NRG4: variants seen among roughly 807,000 people sequenced by gnomAD.
NRG4 encodes neuregulin 4.
A neutral mutation model predicts 15.0 loss-of-function variants in NRG4; 10 were observed. The ratio of observed to expected loss-of-function variants is 0.67; its 90% CI spans 0.41 to 1.13. The LOEUF (loss-of-function observed/expected upper bound fraction) is 1.13. Ranked by LOEUF, NRG4 falls within the 50% of genes most tolerant of loss-of-function variation. The pLI is 0.00. For missense variants in NRG4, 139 were observed against 140.2 expected (o/e 0.99, Z 0.04); for synonymous variants, 41 against 50.1 (o/e 0.82, Z 0.77).
chr15:76,058,205 G>A (rs371161081), intron 1 of NRG4, among the ~76,000 whole-genome samples: 5 of 152,060 alleles, frequency 3.3e-5, no homozygotes, highest in Admixed American at 3.3e-4. Flanking sequence ...CTCCCCTCCC[G>A]TGCATCCTCC....
At chr15:75,939,439 A>G (rs1448217123), downstream of NRG4, 1 of 152,182 alleles carries the variant, frequency 6.6e-6, no homozygotes, top group African/African-American at 2.4e-5. Flanking sequence ...ATTCTCCTGG[A>G]AAAAAAGCAC....
chr15:76,046,374 C>T lies in NRG4; in HGVS notation c.-105+5693G>A, dbSNP rs116937337. On this transcript the variant is annotated intron_variant, in intron 4 of 8. Transcript: ENST00000563910. Reference sequence around the variant, plus strand: ...AATTCTTAAATTTATATGGAACTACCAAAGACCTGGAATAGACAAAGCAAT... The same window carrying T: ...AATTCTTAAATTTATATGGAACTACTAAAGACCTGGAATAGACAAAGCAAT... 7.5e-4 allele frequency among the ~76,000 whole-genome samples: 113 copies of T among 151,116 alleles called. 4 individuals are homozygous for T. The highest frequency in any genetic ancestry group is 3.4e-3 in the Middle Eastern group (1 of 294).
At chr15:76,023,131 C>CAT in intron 5 of NRG4, among the ~76,000 whole-genome samples, 1 of 4,414 alleles carries the variant, frequency 2.3e-4, no homozygotes, top group East Asian at 8.6e-3. Flanking sequence ...ACCCATACTC[C>CAT]ACACACACAC....
intron 3 of NRG4, among the ~76,000 whole-genome samples, chr15:76,003,984 A>G (rs1366344052): frequency 2.6e-5 from 4 of 152,226 alleles, no homozygotes; most frequent in Admixed American, 6.5e-5. Context: ...ATACATGAAC[A>G]ATTTTAAAAG....
intron 3 of NRG4, among the ~76,000 whole-genome samples, chr15:75,996,311 C>G (rs1298711325): frequency 1.3e-5 from 2 of 152,124 alleles, no homozygotes; most frequent in African/African-American, 2.4e-5. Flanking sequence ...GAGGGGAGAC[C>G]TCAGATTGTG....
intron 3 of NRG4, among the ~76,000 whole-genome samples, chr15:75,994,663 A>T (rs1295772831): frequency 6.6e-6 from 1 of 152,254 alleles, no homozygotes; most frequent in Non-Finnish European, 1.5e-5. Flanking sequence ...ATAATGCTCA[A>T]GCTTGAAAGT....
intron 5 of NRG4, among the ~76,000 whole-genome samples, chr15:75,945,098 TTGA>T (rs2031406736): frequency 6.6e-6 from 1 of 152,064 alleles, no homozygotes; most frequent in Non-Finnish European, 1.5e-5. Flanking sequence ...GAAAATGCTG[TTGA>T]TGAATTACAA....
chr15:76,011,122 A>G (rs2034794917), intron 2 of NRG4, 99 bp downstream of exon 2: 1 of 1,004,854 alleles, frequency 1.0e-6, no homozygotes, highest in East Asian at 3.0e-5. Flanking sequence ...ATGATGTTGG[A>G]AGGGAATAAT....
At chr15:75,956,233 T>A (rs1404045059) in intron 4 of NRG4, among the ~76,000 whole-genome samples, 1 of 152,210 alleles carries the variant, frequency 6.6e-6, no homozygotes, top group African/African-American at 2.4e-5. Context: ...ATTTAACAAA[T>A]CCATTAGTAC....
Position 76,029,901 on chromosome 15 carries a change from T to C in NRG4, c.-57+6043A>G, listed in dbSNP as rs115346565. On this transcript the variant is annotated intron_variant, in intron 5 of 8. Transcript: ENST00000563910. ...CCTATCAAAATACCAATTACATTCT[T>C]CACATAAATAGCAAAAGAAATCCTA... Among the ~76,000 whole-genome samples the C allele has an allele frequency of 2.4e-3, 367 of 152,196 alleles. 2 individuals carry two copies. The highest frequency in any genetic ancestry group is 8.4e-3 in the African/African-American group (348 of 41,532).
intron 3 of NRG4, among the ~76,000 whole-genome samples, chr15:75,975,738 C>T (rs1595977336): frequency 6.6e-6 from 1 of 152,248 alleles, no homozygotes; most frequent in East Asian, 1.9e-4. Context: ...TGATGAGCTT[C>T]CCTTTGTGGG....
intron 3 of NRG4, among the ~76,000 whole-genome samples, chr15:75,991,098 T>C (rs535667478): frequency 1.3e-5 from 2 of 152,322 alleles, no homozygotes; most frequent in South Asian, 2.1e-4. Flanking sequence ...ATTTCTGCTA[T>C]AATTTTATCA....
Position 76,052,936 on chromosome 15 carries a change from A to G in NRG4, c.-216+2T>C, listed in dbSNP as rs1411592695. 2 of 151,166 alleles carry G rather than the reference A, an allele frequency of 1.3e-5. No homozygotes were observed. Among genetic ancestry groups the G allele is most frequent in the South Asian group, 2.1e-4 (1 of 4,824 alleles). The allele number at this position is 151,166 out of a possible 1,614,324, so 9.4% of individuals were successfully genotyped here. A position where few individuals can be genotyped will look rare whatever the true frequency, so the allele number is the denominator to read the frequency against. ...ACTACAAAACATCAAAAATGTATCT[A>G]CCTTCAAATTTGATGCTGGTTCTTT... is the stretch of plus-strand genomic sequence containing the variant. On this transcript the variant is annotated splice_donor_variant, in intron 3 of 8. Transcript: ENST00000563910. LOFTEE classifies it low-confidence loss of function (5UTR_SPLICE).
At chr15:75,983,283 A>G (rs1296257970) in intron 3 of NRG4, among the ~76,000 whole-genome samples, 2 of 152,122 alleles carry the variant, frequency 1.3e-5, no homozygotes, top group Non-Finnish European at 2.9e-5. Flanking sequence ...AGATACAGAA[A>G]CAAACAAAGA....
intron 3 of NRG4, among the ~76,000 whole-genome samples, chr15:75,988,853 C>CTT (rs71444946): frequency 0.043 from 4,754 of 109,588 alleles, 203 homozygotes; most frequent in African/African-American, 0.069. Flanking sequence ...CTGCACCTTC[C>CTT]TTTTTTTTTT....
At chr15:76,020,528 T>C (rs2035119930) in intron 5 of NRG4, among the ~76,000 whole-genome samples, 1 of 152,176 alleles carries the variant, frequency 6.6e-6, no homozygotes, top group South Asian at 2.1e-4. Flanking sequence ...TCTTTTGACT[T>C]CCCTGGGCCA....
At chr15:76,035,042 TGCGGTCAC>T (rs1398815698) in intron 5 of NRG4, among the ~76,000 whole-genome samples, 1 of 152,206 alleles carries the variant, frequency 6.6e-6, no homozygotes, top group East Asian at 1.9e-4. Flanking sequence ...TCAAATGCCT[TGCGGTCAC>T]ATAACAAGGG....
chr15:76,054,745 G>T (rs535181190), intron 2 of NRG4, among the ~76,000 whole-genome samples: 2 of 152,074 alleles, frequency 1.3e-5, no homozygotes, highest in East Asian at 3.9e-4. Flanking sequence ...AAGAGACAGT[G>T]GAAATTCAAC....
chr15:76,042,938 T>G (rs561567986), intron 4 of NRG4, among the ~76,000 whole-genome samples: 1 of 152,028 alleles, frequency 6.6e-6, no homozygotes, highest in Non-Finnish European at 1.5e-5. Context: ...TTCAACAACA[T>G]ACTAAAAATA....
Sources: allele counts gnomAD v4.1 joint callset (sites outside exome capture counted in the v4.1 genomes callset), GRCh38; gene constraint gnomAD v4.1.1; transcripts MANE v1.5; gene names NCBI Gene and HGNC (gene_info 2026-07-23, HGNC 2026-07-21).